DCHS2: variants seen among roughly 807,000 people sequenced by gnomAD.
DCHS2 encodes the protein protocadherin-23.
Under a neutral mutation model 182.4 loss-of-function variants are expected in DCHS2, and 142 were observed. The observed-to-expected ratio is 0.78, with a 90% CI of 0.68 to 0.89. DCHS2 has a LOEUF of 0.89. Among genes scored for constraint, DCHS2 ranks in the 40% least tolerant of loss-of-function variants. DCHS2 has a pLI of 0.00. For synonymous variants in DCHS2, 1,740 were observed against 1,663.3 expected, an observed-to-expected ratio of 1.05 and a Z score of -1.12; for missense variants, 4,319 against 4,198.6, an observed-to-expected ratio of 1.03 and a Z score of -0.79.
intron 15 of DCHS2, 89 bp from the exon 16 acceptor site, chr4:154,255,759 C>A (rs2111157106): frequency 1.4e-6 from 2 of 1,424,466 alleles, no homozygotes; most frequent in South Asian, 1.7e-5. Context: ...AAGAAAGAAT[C>A]ACAGCTTGTC....
At position 154,489,920 on chromosome 4, in the gene DCHS2, G is replaced by A; in HGVS notation, c.1436C>T (p.Ala479Val). The change falls in exon 1 of 20, where the codon GCG (alanine) becomes GTG (valine). Residue 479 changes from alanine to valine, a missense_variant. By Grantham distance (64) the Ala-to-Val change is moderately conservative. Coordinates refer to ENST00000357232, the MANE Select transcript of DCHS2 (RefSeq NM_001358235.2). ...LSLEGGEGDF[A>V]LLPGGPPGVF... Reference sequence around the variant, plus strand: ...CCCTGGGGGGCCGCCGGGTAGCAACGCGAAGTCTCCCTCTCCGCCTTCCAA... The same window carrying A: ...CCCTGGGGGGCCGCCGGGTAGCAACACGAAGTCTCCCTCTCCGCCTTCCAA... 1 of 1,538,458 alleles carries A rather than the reference G, an allele frequency of 6.5e-7. No homozygotes were observed. The highest frequency in any genetic ancestry group is 8.8e-7 in the Non-Finnish European group (1 of 1,138,834).
At position 154,235,437 on chromosome 4, in the gene DCHS2, A is replaced by C; in HGVS notation, c.9215T>G (p.Leu3072Trp). The C allele has an allele frequency of 6.2e-7, 1 of 1,614,104 alleles. No homozygotes were observed. The highest frequency in any genetic ancestry group is 8.5e-7 in the Non-Finnish European group (1 of 1,179,974). ...CTTCTCCATGATACTTATTAAACTC[A>C]ACCATTCCGGAGTGGCATCCACAGG... ...VVPVDATPEWLSLISIMEKDI... is the reference protein window; with the variant it reads ...VVPVDATPEWWSLISIMEKDI... The change falls in exon 20 of 20, where the codon TTG becomes TGG. Residue 3072 changes from leucine to tryptophan, a missense_variant. By Grantham distance (61) the Leu-to-Trp change is moderately conservative (BLOSUM62 -2). Coordinates refer to ENST00000357232, the MANE Select transcript of DCHS2 (RefSeq NM_001358235.2).
intron 1 of DCHS2, among the ~76,000 whole-genome samples, chr4:154,383,729 A>G (rs1169487714): frequency 2.0e-5 from 3 of 152,128 alleles, no homozygotes; most frequent in Non-Finnish European, 4.4e-5. Context: ...CATTTATATC[A>G]GCCAGACTCC....
At chr4:154,449,324 C>G (rs1266139812) in intron 1 of DCHS2, among the ~76,000 whole-genome samples, 2 of 151,966 alleles carry the variant, frequency 1.3e-5, no homozygotes, top group African/African-American at 4.8e-5. Context: ...CCCCATATCT[C>G]CATTCCACAG....
At chr4:154,291,345 A>G (rs2111261255) in intron 13 of DCHS2, among the ~76,000 whole-genome samples, 1 of 152,238 alleles carries the variant, frequency 6.6e-6, no homozygotes, top group South Asian at 2.1e-4. Context: ...GTTGGTGGGA[A>G]TGTAAATTAG....
intron 1 of DCHS2, among the ~76,000 whole-genome samples, chr4:154,459,574 T>C (rs940074688): frequency 6.6e-6 from 1 of 152,092 alleles, no homozygotes; most frequent in Non-Finnish European, 1.5e-5. Context: ...TGCCTTGCCC[T>C]TCCCAGGAAT....
chr4:154,235,774 C>T lies in DCHS2; in HGVS notation c.8878G>A (p.Ala2960Thr), dbSNP rs749501585. Residue 2960 changes from alanine (A) to threonine (T), a missense_variant, in exon 20 of 20, where the codon GCT (alanine) becomes ACT (threonine). Transcript: ENST00000357232. ...KEDTLEMKII[A>T]HSPKSDSKFA... Reference sequence around the variant, plus strand: ...TTGGAATCTGATTTGGGACTATGAGCGATTATTTTCATTTCCAAGGTGTCT... The same window carrying T: ...TTGGAATCTGATTTGGGACTATGAGTGATTATTTTCATTTCCAAGGTGTCT... The T allele has an allele frequency of 8.7e-6, 14 of 1,613,646 alleles. No homozygotes were observed. The highest frequency in any genetic ancestry group is 1.7e-5 in the Admixed American group (1 of 59,958).
intron 13 of DCHS2, among the ~76,000 whole-genome samples, chr4:154,273,450 T>C (rs2111213718): frequency 6.6e-6 from 1 of 152,158 alleles, no homozygotes; most frequent in South Asian, 2.1e-4. Context: ...CTTTGGGGAC[T>C]TGGGGGAAAA....
At chr4:154,285,383 T>G (rs904391935) in intron 13 of DCHS2, among the ~76,000 whole-genome samples, 6 of 152,108 alleles carry the variant, frequency 3.9e-5, no homozygotes, top group Non-Finnish European at 8.8e-5. Flanking sequence ...TCTTGCAGTT[T>G]AGGTACCAGC....
At chr4:154,293,818 C>G (rs1244093865) in intron 13 of DCHS2, among the ~76,000 whole-genome samples, 2 of 152,204 alleles carry the variant, frequency 1.3e-5, no homozygotes, top group African/African-American at 4.8e-5. Context: ...ACATGAGGCT[C>G]TGTGCACGCT....
At chr4:154,414,058 T>C (rs1221837769) in intron 1 of DCHS2, among the ~76,000 whole-genome samples, 3 of 152,130 alleles carry the variant, frequency 2.0e-5, no homozygotes, top group African/African-American at 7.2e-5. Context: ...AAAATAACAA[T>C]AAATTCCATA....
chr4:154,268,236 C>CA (rs199558561), intron 14 of DCHS2, among the ~76,000 whole-genome samples: 1 of 130,282 alleles, frequency 7.7e-6, no homozygotes, highest in African/African-American at 2.9e-5. Flanking sequence ...ACTTTCCCCC[C>CA]CCCAAAAAAA....
Position 154,235,410 on chromosome 4 carries a change from T to G in DCHS2, c.9242A>C (p.Asp3081Ala), listed in dbSNP as rs1731420964. ...TGAGTGTCTGTACAGATTGACAATA[T>G]CCTTCTCCATGATACTTATTAAACT... ...WLSLISIMEKDIVNLYRHSNS... is the reference protein window; with the variant it reads ...WLSLISIMEKAIVNLYRHSNS... Residue 3081 changes from aspartate to alanine, a missense_variant, in exon 20 of 20, where the codon GAT becomes GCT. Asp to Ala is a moderately radical substitution (Grantham distance 126). Transcript: ENST00000357232. 6.2e-7 allele frequency: 1 copy of G among 1,613,928 alleles called. No individual in the cohort carries two copies. The highest frequency in any genetic ancestry group is 1.3e-5 in the African/African-American group (1 of 74,908).
chr4:154,338,730 A>C (rs1728929826), intron 3 of DCHS2, among the ~76,000 whole-genome samples: 2 of 152,236 alleles, frequency 1.3e-5, no homozygotes, highest in Non-Finnish European at 2.9e-5. Context: ...ATATCAATAC[A>C]ATAGAATACT....
In DCHS2 at chr4:154,444,632, C is replaced by T. The variant is rs142154713; in HGVS notation, c.2052+44672G>A. On this transcript the variant is annotated intron_variant, in intron 1 of 19. Coordinates refer to ENST00000357232, the MANE Select transcript of DCHS2 (RefSeq NM_001358235.2). Reference sequence around the variant, plus strand: ...TGCTTGGAATCATGCTGTATCACCCCCAGCACCACCCTCACAACACCATCC... The same window carrying T: ...TGCTTGGAATCATGCTGTATCACCCTCAGCACCACCCTCACAACACCATCC... Among the ~76,000 whole-genome samples the T allele has an allele frequency of 6.0e-4, 91 of 152,278 alleles. 1 individual carries two copies. Among genetic ancestry groups the T allele is most frequent in the Middle Eastern group, 3.4e-3 (1 of 294 alleles).
intron 3 of DCHS2, among the ~76,000 whole-genome samples, chr4:154,346,059 C>T (rs967932722): frequency 1.3e-5 from 2 of 152,174 alleles, no homozygotes; most frequent in Non-Finnish European, 2.9e-5. Flanking sequence ...TCTAGTCCCT[C>T]TCTTCGTATA....
chr4:154,449,926 T>C (rs1734465898), intron 1 of DCHS2, among the ~76,000 whole-genome samples: 1 of 152,222 alleles, frequency 6.6e-6, no homozygotes, highest in Non-Finnish European at 1.5e-5. Flanking sequence ...CATCACATCC[T>C]TTCCTCCTTC....
At chr4:154,476,656 G>C (rs1735695565) in intron 1 of DCHS2, among the ~76,000 whole-genome samples, 2 of 152,136 alleles carry the variant, frequency 1.3e-5, no homozygotes, top group African/African-American at 4.8e-5. Context: ...ATTTTACTAA[G>C]CACTCAGCAG....
At chr4:154,274,065 A>G (rs1256770628) in intron 13 of DCHS2, among the ~76,000 whole-genome samples, 1 of 152,204 alleles carries the variant, frequency 6.6e-6, no homozygotes, top group Non-Finnish European at 1.5e-5. Context: ...GGTAAAAGCA[A>G]GAAGCAGGAA....
Sources: gnomAD v4.1 joint callset for allele counts (sites outside exome capture counted in the v4.1 genomes callset) on GRCh38, gnomAD v4.1.1 for gene constraint, MANE v1.5 for transcripts, NCBI Gene and HGNC (gene_info 2026-07-23, HGNC 2026-07-21) for gene names.